The following CPAMD8 variants were observed in gnomAD, a reference collection of about 807,000 sequenced individuals.
CPAMD8 encodes the protein C3 and PZP like alpha-2-macroglobulin domain containing 8, also known as C3 and PZP-like alpha-2-macroglobulin domain-containing protein 8.
In CPAMD8, 146 loss-of-function variants were observed where a neutral mutation model predicts 224.7. The observed-to-expected ratio is 0.65, with a 90% CI of 0.57 to 0.75. The LOEUF (loss-of-function observed/expected upper bound fraction) is 0.75. Among genes scored for constraint, CPAMD8 ranks in the 30% least tolerant of loss-of-function variants. The pLI is 0.00. For synonymous variants in CPAMD8, 966 were observed against 1,044.6 expected (o/e 0.92, Z 1.45); for missense variants, 2,301 against 2,537.5 (o/e 0.91, Z 2.00).
At position 16,997,330 on chromosome 19, in the gene CPAMD8, G is replaced by C; in HGVS notation, c.876C>G (p.Gly292=). The change falls in exon 11 of 42, where the codon GGC becomes GGG. Residue 292 remains glycine (G), a synonymous_variant. Coordinates refer to ENST00000443236, the MANE Select transcript of CPAMD8 (RefSeq NM_015692.5). ...RPVLRTTKIL[G]SRDFDICVRD... is the part of the protein sequence containing the mutation. The stretch of plus-strand genomic sequence containing the variant: ...TCACGCAGATGTCGAAGTCCCGGGA[G>C]CCGAGGATCTGGAGGGAGGAAAAAC... 6.4e-7 allele frequency: 1 copy of C among 1,567,100 alleles called. No homozygotes were observed. Among genetic ancestry groups the C allele is most frequent in the Non-Finnish European group, 8.7e-7 (1 of 1,147,976 alleles).
chr19:16,969,251 A>G (rs1001228643), intron 18 of CPAMD8, among the ~76,000 whole-genome samples: 7 of 152,190 alleles, frequency 4.6e-5, no homozygotes, highest in Non-Finnish European at 1.0e-4. Flanking sequence ...GAGGAGGTAT[A>G]TGAAGCAATC....
At chr19:16,894,190 AC>A in intron 41 of CPAMD8, 1 of 287,468 alleles carries the variant, frequency 3.5e-6, no homozygotes, top group South Asian at 3.0e-5. Context: ...CTCCCAAGGG[AC>A]CTCCAGCTGT....
At chr19:16,895,331 T>C (rs2051919650) in intron 41 of CPAMD8, 1 of 153,446 alleles carries the variant, frequency 6.5e-6, no homozygotes. Flanking sequence ...GAGAATCGCT[T>C]GAACCCAGGA....
intron 14 of CPAMD8, among the ~76,000 whole-genome samples, chr19:16,978,083 A>G (rs1204120563): frequency 6.6e-6 from 1 of 152,182 alleles, no homozygotes; most frequent in East Asian, 1.9e-4. Context: ...ACTCTACGGC[A>G]AGAGAATGAG....
chr19:16,913,574 T>C (rs2052809331), intron 29 of CPAMD8, among the ~76,000 whole-genome samples: 1 of 152,038 alleles, frequency 6.6e-6, no homozygotes, highest in Non-Finnish European at 1.5e-5. Flanking sequence ...GCAAAATAAA[T>C]GCCTATTGTT....
chr19:16,997,867 G>C (rs2056184847), intron 10 of CPAMD8, among the ~76,000 whole-genome samples: 1 of 151,596 alleles, frequency 6.6e-6, no homozygotes, highest in African/African-American at 2.4e-5. Flanking sequence ...TTCCCATGCT[G>C]ACACAATCTC....
At chr19:16,900,271 A>G (rs537237049) in intron 36 of CPAMD8, among the ~76,000 whole-genome samples, 1 of 152,156 alleles carries the variant, frequency 6.6e-6, no homozygotes, top group African/African-American at 2.4e-5. Context: ...AAGCACATGG[A>G]ACTTTGCTGA....
chr19:16,912,667 G>T (rs2052772848), intron 29 of CPAMD8, among the ~76,000 whole-genome samples: 1 of 152,038 alleles, frequency 6.6e-6, no homozygotes, highest in Non-Finnish European at 1.5e-5. Context: ...CCATGCCATG[G>T]ATCCCACCCT....
chr19:17,010,585 C>T (rs370644784), intron 5 of CPAMD8, among the ~76,000 whole-genome samples: 9 of 152,178 alleles, frequency 5.9e-5, no homozygotes, highest in African/African-American at 1.2e-4. Context: ...TATAAGAGAA[C>T]GTCCTTGCTC....
Position 16,904,279 on chromosome 19 carries a change from C to A in CPAMD8, c.4198G>T (p.Val1400Leu). 1 of 1,607,782 alleles carries A rather than the reference C, an allele frequency of 6.2e-7. No homozygotes were observed. Among genetic ancestry groups the A allele is most frequent in the Non-Finnish European group, 8.5e-7 (1 of 1,176,326 alleles). Residue 1400 changes from valine to leucine, a missense_variant, in exon 32 of 42, where the codon GTG (valine) becomes TTG (leucine). Val to Leu is a conservative substitution (Grantham distance 32). Around this residue, in one of 4 missense-constraint regions of CPAMD8, gnomAD observed 1,709 missense variants for 1,753.2 expected, o/e 0.97. Coordinates refer to ENST00000443236, the MANE Select transcript of CPAMD8 (RefSeq NM_015692.5). ...LGDVAAALPV[V>L]KWLSQQRNAL... ...TTTCGCTGCTGGGACAGCCACTTCA[C>A]CACAGGCAGGGCGGCAGCCACGTCA...
At chr19:16,978,064 C>G (rs955840549) in intron 14 of CPAMD8, among the ~76,000 whole-genome samples, 2 of 152,176 alleles carry the variant, frequency 1.3e-5, no homozygotes, top group African/African-American at 4.8e-5. Context: ...TGTCCAGGCA[C>G]TCCCAAATAC....
chr19:16,974,161 T>C (rs1286207900), intron 17 of CPAMD8, among the ~76,000 whole-genome samples: 2 of 151,272 alleles, frequency 1.3e-5, no homozygotes, highest in Non-Finnish European at 2.9e-5. Context: ...AGACGGAGTC[T>C]CGCTCTGTCG....
intron 1 of CPAMD8, among the ~76,000 whole-genome samples, chr19:17,024,300 C>G (rs1165076242): frequency 2.0e-5 from 3 of 152,198 alleles, no homozygotes; most frequent in Non-Finnish European, 4.4e-5. Flanking sequence ...GTTCAGTCCC[C>G]TGGGATCACA....
intron 27 of CPAMD8, among the ~76,000 whole-genome samples, chr19:16,919,888 G>GACGGC (rs1221488288): frequency 2.6e-5 from 4 of 152,332 alleles, no homozygotes; most frequent in Admixed American, 6.5e-5. Flanking sequence ...GTGCTAACAG[G>GACGGC]ACGGCACTGC....
chr19:16,952,050 G>C lies in CPAMD8; in HGVS notation c.2427C>G (p.Phe809Leu), dbSNP rs1446858366. The C allele has an allele frequency of 6.3e-7, 1 of 1,576,694 alleles. No homozygotes were observed. The highest frequency in any genetic ancestry group is 1.7e-4 in the Middle Eastern group (1 of 6,026). ...LKTFKPFFVD[F>L]MLPALIIRGE... is the part of the protein sequence containing the mutation. ...CACGGATGATGAGAGCGGGGAGCAT[G>C]AAGTCCACGAAGAAGGGCTTGAAGG... Residue 809 changes from phenylalanine to leucine, a missense_variant, in exon 20 of 42, where the codon TTC becomes TTG. By Grantham distance (22) the Phe-to-Leu change is conservative. Coordinates refer to ENST00000443236, the MANE Select transcript of CPAMD8 (RefSeq NM_015692.5).
At chr19:16,997,560 G>T (rs967987654) in intron 10 of CPAMD8, among the ~76,000 whole-genome samples, 33 of 152,232 alleles carry the variant, frequency 2.2e-4, no homozygotes, top group Admixed American at 1.9e-3. Context: ...TTGGGCAGAA[G>T]AGGAAAGAGG....
chr19:16,929,351 G>T, intron 23 of CPAMD8, 111 bp from the exon 24 acceptor site: 1 of 801,688 alleles, frequency 1.2e-6, no homozygotes, highest in South Asian at 1.7e-5. Context: ...GTCTCACTGT[G>T]ACTCGGCACA....
intron 3 of CPAMD8, among the ~76,000 whole-genome samples, chr19:17,013,870 G>A (rs910257485): frequency 1.3e-5 from 2 of 149,482 alleles, no homozygotes; most frequent in African/African-American, 4.9e-5. Flanking sequence ...TCAGGATGGA[G>A]CCTACACTAC....
intron 2 of CPAMD8, 27 bp downstream of exon 2, chr19:17,022,003 T>C (rs1599936754): frequency 6.4e-7 from 1 of 1,566,098 alleles, no homozygotes; most frequent in South Asian, 1.2e-5. Context: ...GAAGGGGAAG[T>C]CCTGGTCTGG....
Sources: allele counts gnomAD v4.1 joint callset (sites outside exome capture counted in the v4.1 genomes callset), GRCh38; gene constraint gnomAD v4.1.1; regional missense constraint gnomAD v4.1.1; transcripts MANE v1.5; gene names NCBI Gene and HGNC (gene_info 2026-07-23, HGNC 2026-07-21).